The following LRRTM4 variants were observed in gnomAD, a reference collection of about 807,000 sequenced individuals.
LRRTM4 encodes leucine-rich repeat transmembrane neuronal protein 4.
LRRTM4 carries 25 observed loss-of-function variants against 47.6 expected under a neutral mutation model. That is an observed-to-expected ratio of 0.53 (90% CI 0.38 to 0.73). The LOEUF (loss-of-function observed/expected upper bound fraction) is 0.73. LRRTM4 is among the 30% of genes least tolerant of loss of function. The pLI, the probability that LRRTM4 is intolerant of heterozygous loss-of-function variation, is 0.00. For missense variants in LRRTM4, 638 were observed against 713.4 expected, an observed-to-expected ratio of 0.89 and a Z score of 1.20; for synonymous variants, 311 against 269.5, an observed-to-expected ratio of 1.15 and a Z score of -1.51.
chr2:76,932,018 T>G (rs1030469086), intron 3 of LRRTM4, among the ~76,000 whole-genome samples: 1 of 152,162 alleles, frequency 6.6e-6, no homozygotes, highest in African/African-American at 2.4e-5. Flanking sequence ...AGTTACTTTA[T>G]CCTGAGAATT....
intron 3 of LRRTM4, among the ~76,000 whole-genome samples, chr2:77,179,627 CT>C (rs992599540): frequency 2.6e-5 from 4 of 151,922 alleles, no homozygotes; most frequent in African/African-American, 4.8e-5. Context: ...TCAGATTTTA[CT>C]CTATTAAAAA....
Position 77,166,365 on chromosome 2 carries a change from C to T in LRRTM4, c.1551+351953G>A, listed in dbSNP as rs375503416. Among the ~76,000 whole-genome samples the T allele has an allele frequency of 4.6e-5, 7 of 152,132 alleles. No individual in the cohort carries two copies. In the South Asian group the frequency reaches 1.5e-3, roughly 32 times the overall value. On this transcript the variant is annotated intron_variant, in intron 3 of 3. Transcript: ENST00000409884. ...TGGATAGGAAGAATGAATTATTGTG[C>T]AAATGTCCACACTGTCCAAGATAAT...
chr2:77,201,751 A>G (rs1477495066), intron 3 of LRRTM4, among the ~76,000 whole-genome samples: 1 of 152,130 alleles, frequency 6.6e-6, no homozygotes, highest in East Asian at 1.9e-4. Flanking sequence ...TAAAAATCAC[A>G]GCTTGCTGGG....
intron 3 of LRRTM4, among the ~76,000 whole-genome samples, chr2:77,232,373 C>T (rs1674988524): frequency 6.6e-6 from 1 of 152,196 alleles, no homozygotes; most frequent in East Asian, 1.9e-4. Flanking sequence ...TTCTACTTAA[C>T]ATGTATCTTT....
At chr2:77,283,219 G>GA (rs1218293657) in intron 3 of LRRTM4, among the ~76,000 whole-genome samples, 1 of 151,772 alleles carries the variant, frequency 6.6e-6, no homozygotes, top group Non-Finnish European at 1.5e-5. Context: ...CAACAAACAA[G>GA]AAAAAATGCT....
intron 3 of LRRTM4, among the ~76,000 whole-genome samples, chr2:76,802,376 A>G (rs1165586946): frequency 2.0e-5 from 3 of 152,152 alleles, no homozygotes; most frequent in Non-Finnish European, 2.9e-5. Context: ...TCCATTTACA[A>G]TATCTACAAG....
intron 3 of LRRTM4, among the ~76,000 whole-genome samples, chr2:76,928,669 A>G (rs1674667058): frequency 6.6e-6 from 1 of 152,114 alleles, no homozygotes; most frequent in Non-Finnish European, 1.5e-5. Flanking sequence ...CATGAATAGG[A>G]AAATAAAACT....
intron 3 of LRRTM4, among the ~76,000 whole-genome samples, chr2:77,159,530 A>AAG (rs1672653093): frequency 6.6e-6 from 1 of 151,768 alleles, no homozygotes; most frequent in African/African-American, 2.4e-5. Flanking sequence ...ATGGAAAAAA[A>AAG]AAAAAAGAAA....
At chr2:76,757,089 C>T (rs1340834895) in intron 3 of LRRTM4, among the ~76,000 whole-genome samples, 38 of 151,878 alleles carry the variant, frequency 2.5e-4, no homozygotes, top group Admixed American at 2.5e-3. Flanking sequence ...CAAATTGATG[C>T]CTCATTTCCA....
intron 3 of LRRTM4, among the ~76,000 whole-genome samples, chr2:77,134,361 T>G (rs1671877610): frequency 6.6e-6 from 1 of 152,174 alleles, no homozygotes; most frequent in Admixed American, 6.5e-5. Flanking sequence ...CTGGGATGAT[T>G]GTTTTGAGGT....
At chr2:77,060,613 G>T (rs552245278) in intron 3 of LRRTM4, among the ~76,000 whole-genome samples, 5 of 152,172 alleles carry the variant, frequency 3.3e-5, no homozygotes, top group African/African-American at 1.2e-4. Context: ...ATAAAATATA[G>T]TGTGCAATAT....
intron 3 of LRRTM4, among the ~76,000 whole-genome samples, chr2:77,376,312 T>A (rs1672838451): frequency 6.6e-6 from 1 of 151,790 alleles, no homozygotes; most frequent in South Asian, 2.1e-4. Flanking sequence ...CCCCTTTTGA[T>A]ATCTTTTCAC....
chr2:77,172,489 G>A (rs1673076855), intron 3 of LRRTM4, among the ~76,000 whole-genome samples: 1 of 152,162 alleles, frequency 6.6e-6, no homozygotes, highest in Admixed American at 6.5e-5. Context: ...AGCTACTCCG[G>A]AGGCTGAGGC....
intron 3 of LRRTM4, among the ~76,000 whole-genome samples, chr2:76,807,485 T>TAA (rs1553412721): frequency 8.0e-6 from 1 of 124,424 alleles, no homozygotes; most frequent in Non-Finnish European, 1.6e-5. Context: ...TATATATATA[T>TAA]ACATATATAT....
At position 76,936,103 on chromosome 2, in the gene LRRTM4, A is replaced by G. The variant is rs377370932; in HGVS notation, c.1552-187187T>C. ...CCCATACTGGGTATATACCCAAAGGATTATAAATCATTCTCCTATAAGGAA... is the reference window on the plus strand; with the variant it reads ...CCCATACTGGGTATATACCCAAAGGGTTATAAATCATTCTCCTATAAGGAA... On this transcript the variant is annotated intron_variant, in intron 3 of 3. Transcript: ENST00000409884. 2.6e-4 allele frequency among the ~76,000 whole-genome samples: 40 copies of G among 152,292 alleles called. No homozygotes were observed. The East Asian group carries it at 4.6e-3, about 18-fold the overall frequency.
At chr2:76,919,515 C>T (rs376563657) in intron 3 of LRRTM4, among the ~76,000 whole-genome samples, 4 of 152,080 alleles carry the variant, frequency 2.6e-5, no homozygotes, top group African/African-American at 9.7e-5. Context: ...ACCTCTCCTG[C>T]AAACTTTGAA....
intron 3 of LRRTM4, among the ~76,000 whole-genome samples, chr2:77,326,624 G>T (rs950845451): frequency 6.6e-6 from 1 of 151,972 alleles, no homozygotes; most frequent in Admixed American, 6.6e-5. Context: ...TTGAACTCCC[G>T]GCCTCAAGCA....
intron 3 of LRRTM4, among the ~76,000 whole-genome samples, chr2:77,178,927 T>G (rs1207274307): frequency 6.6e-6 from 1 of 152,212 alleles, no homozygotes; most frequent in Non-Finnish European, 1.5e-5. Context: ...TGTGAACTTT[T>G]TTATAGCCTC....
At chr2:76,846,493 A>T (rs1399428481) in intron 3 of LRRTM4, among the ~76,000 whole-genome samples, 1 of 152,154 alleles carries the variant, frequency 6.6e-6, no homozygotes, top group Non-Finnish European at 1.5e-5. Context: ...ACATTCTAAC[A>T]TCTGTTAGAA....
Sources: gnomAD v4.1 joint callset for allele counts (sites outside exome capture counted in the v4.1 genomes callset) on GRCh38, gnomAD v4.1.1 for gene constraint, MANE v1.5 for transcripts, NCBI Gene and HGNC (gene_info 2026-07-23, HGNC 2026-07-21) for gene names.